The following ST6GALNAC5 variants were observed in gnomAD, a reference collection of about 807,000 sequenced individuals.
ST6GALNAC5 encodes the protein ST6 N-acetylgalactosaminide alpha-2,6-sialyltransferase 5.
Under a neutral mutation model 33.6 loss-of-function variants are expected in ST6GALNAC5, and 27 were observed. The observed-to-expected ratio is 0.80, with a 90% CI of 0.59 to 1.11. The LOEUF is 1.11. ST6GALNAC5 is among the 50% of genes least tolerant of loss of function. The pLI is 0.00. For synonymous variants in ST6GALNAC5, 194 were observed against 171.2 expected (o/e 1.13, Z -1.04); for missense variants, 428 against 454.0 (o/e 0.94, Z 0.52).
At chr1:76,904,822 CA>C (rs547849456) in intron 2 of ST6GALNAC5, among the ~76,000 whole-genome samples, 127 of 134,782 alleles carry the variant, frequency 9.4e-4, no homozygotes, top group African/African-American at 2.8e-3. Context: ...GAGACTGTCT[CA>C]AAAAAAAAAA....
intron 2 of ST6GALNAC5, among the ~76,000 whole-genome samples, chr1:76,891,886 T>C (rs1332040997): frequency 6.6e-6 from 1 of 152,192 alleles, no homozygotes; most frequent in African/African-American, 2.4e-5. Flanking sequence ...ATAAACCGCA[T>C]ATCTATGTAT....
At chr1:76,954,520 C>A (rs1048742529) in intron 2 of ST6GALNAC5, among the ~76,000 whole-genome samples, 1 of 151,912 alleles carries the variant, frequency 6.6e-6, no homozygotes, top group Non-Finnish European at 1.5e-5. Flanking sequence ...TGCACATGTA[C>A]CCCAAGCTTA....
At chr1:76,948,036 C>T (rs942509085) in intron 2 of ST6GALNAC5, among the ~76,000 whole-genome samples, 7 of 152,038 alleles carry the variant, frequency 4.6e-5, no homozygotes, top group South Asian at 2.1e-4. Flanking sequence ...CCCCAAAGAG[C>T]GAATTGTTTA....
At chr1:77,032,042 G>GT (rs1358310316) in intron 2 of ST6GALNAC5, among the ~76,000 whole-genome samples, 3 of 152,128 alleles carry the variant, frequency 2.0e-5, no homozygotes, top group Non-Finnish European at 2.9e-5. Context: ...AAGGCAGAGA[G>GT]GGTAAGCTTA....
intron 2 of ST6GALNAC5, among the ~76,000 whole-genome samples, chr1:77,039,564 T>C (rs1210355681): frequency 6.6e-6 from 1 of 152,230 alleles, no homozygotes; most frequent in East Asian, 1.9e-4. Flanking sequence ...AGCAGGTAGG[T>C]TTCTCAGAGG....
At chr1:76,926,891 T>C (rs1012363286) in intron 2 of ST6GALNAC5, among the ~76,000 whole-genome samples, 1 of 152,146 alleles carries the variant, frequency 6.6e-6, no homozygotes, top group Admixed American at 6.5e-5. Context: ...GTAAAGATGA[T>C]GGGCCATTTT....
rs751758799 is a variant in ST6GALNAC5 at position 77,044,571 on chromosome 1, T to A, written c.629T>A (p.Leu210Gln). ...KAFMITRHKMLQFDELFKQET... is the reference protein window; with the variant it reads ...KAFMITRHKMQQFDELFKQET... ...TTCATGATTACTCGCCACAAGATGC[T>A]GCAGTTTGATGAGCTCTTCAAGCAG... Residue 210 changes from leucine (L) to glutamine (Q), a missense_variant, in exon 3 of 5, where the codon CTG becomes CAG. Leu to Gln is a moderately radical substitution (Grantham distance 113, BLOSUM62 -2). Transcript: ENST00000477717. 7.0e-6 allele frequency: 11 copies of A among 1,581,910 alleles called. No individual in the cohort carries two copies. The East Asian group carries it at 2.0e-4, about 29-fold the overall frequency.
intron 2 of ST6GALNAC5, among the ~76,000 whole-genome samples, chr1:76,891,090 G>A (rs1207629652): frequency 6.6e-6 from 1 of 152,212 alleles, no homozygotes; most frequent in East Asian, 1.9e-4. Context: ...CACTTCTCTT[G>A]GGTATATACC....
At chr1:76,989,048 ATTC>A (rs1649620107) in intron 2 of ST6GALNAC5, among the ~76,000 whole-genome samples, 1 of 152,128 alleles carries the variant, frequency 6.6e-6, no homozygotes, top group African/African-American at 2.4e-5. Context: ...GGCAGCCTGA[ATTC>A]TTCTTTCTTG....
chr1:77,027,722 C>A (rs917176575), intron 2 of ST6GALNAC5, among the ~76,000 whole-genome samples: 1 of 152,176 alleles, frequency 6.6e-6, no homozygotes, highest in African/African-American at 2.4e-5. Flanking sequence ...AGTGGCAGAT[C>A]TGGGGAGACT....
At chr1:76,867,730 A>C in intron 1 of ST6GALNAC5, 40 bp downstream of exon 1, 2 of 1,613,936 alleles carry the variant, frequency 1.2e-6, no homozygotes, top group Non-Finnish European at 1.7e-6. Flanking sequence ...AAAGAGGGGG[A>C]TCCCCGGGCT....
chr1:76,868,474 T>G lies in ST6GALNAC5; in HGVS notation c.16-23T>G, dbSNP rs752098014. 2 of 1,592,938 alleles carry G rather than the reference T, an allele frequency of 1.3e-6. No individual in the cohort carries two copies. The highest frequency in any genetic ancestry group is 1.7e-6 in the Non-Finnish European group (2 of 1,166,876). On this transcript the variant is annotated intron_variant, in intron 1 of 4. Transcript: ENST00000477717. The surrounding 1 kb of genome is among the most constrained non-coding windows in gnomAD (Gnocchi z 4.3). Reference sequence around the variant, plus strand: ...GTGTCTGCGCTCAGCCGCTCTCCTCTTCTCTCTCCCGCCCGCCCGCAGCGC... The same window carrying G: ...GTGTCTGCGCTCAGCCGCTCTCCTCGTCTCTCTCCCGCCCGCCCGCAGCGC...
Position 77,050,349 on chromosome 1 carries a change from C to A in ST6GALNAC5, c.763C>A (p.Pro255Thr). Residue 255 changes from proline to threonine, a missense_variant, in exon 4 of 5, where the codon CCC becomes ACC. Coordinates refer to ENST00000477717, the MANE Select transcript of ST6GALNAC5 (RefSeq NM_030965.3). ...CAGGATCAATGTTTATGGCATGGTG[C>A]CCCCAGACTTCTGCAGGTAGGATTT... ...CDRINVYGMV[P>T]PDFCRDPNHP... is the part of the protein sequence containing the mutation. 6.2e-7 allele frequency: 1 copy of A among 1,613,724 alleles called. No individual in the cohort carries two copies. The highest frequency in any genetic ancestry group is 8.5e-7 in the Non-Finnish European group (1 of 1,179,680).
rs560802210 is a variant in ST6GALNAC5, at chr1:76,969,948, C to T, written c.262-74256C>T. Among the ~76,000 whole-genome samples, 14 of 152,094 alleles carry T rather than the reference C, an allele frequency of 9.2e-5. No homozygotes were observed. In the South Asian group the frequency reaches 1.2e-3, roughly 14 times the overall value. On this transcript the variant is annotated intron_variant, in intron 2 of 4. Transcript: ENST00000477717. ...CCACCAGCAAACTCCAACTGACCTG[C>T]GGATGACTGTTAGAAGGAAAATGAA...
intron 4 of ST6GALNAC5, among the ~76,000 whole-genome samples, chr1:77,055,713 G>T (rs1446863274): frequency 2.0e-5 from 3 of 152,158 alleles, no homozygotes; most frequent in Non-Finnish European, 4.4e-5. Flanking sequence ...TGGGCCCACT[G>T]GGCATCCCTC....
chr1:76,946,664 A>T (rs17099754), intron 2 of ST6GALNAC5, among the ~76,000 whole-genome samples: 1 of 152,136 alleles, frequency 6.6e-6, no homozygotes, highest in Non-Finnish European at 1.5e-5. Context: ...TGGTCTGTAC[A>T]TGATAAATTT....
At chr1:76,892,691 A>G (rs1654039157) in intron 2 of ST6GALNAC5, among the ~76,000 whole-genome samples, 1 of 152,264 alleles carries the variant, frequency 6.6e-6, no homozygotes, top group African/African-American at 2.4e-5. Flanking sequence ...CTTTTAATTG[A>G]TATAGAGGAA....
At chr1:76,989,415 C>CT (rs1649635771) in intron 2 of ST6GALNAC5, among the ~76,000 whole-genome samples, 1 of 151,982 alleles carries the variant, frequency 6.6e-6, no homozygotes, top group Non-Finnish European at 1.5e-5. Context: ...CAGGTGATCA[C>CT]TTTAATTTGA....
intron 2 of ST6GALNAC5, among the ~76,000 whole-genome samples, chr1:77,036,190 T>C (rs1277371421): frequency 6.6e-6 from 1 of 152,138 alleles, no homozygotes; most frequent in African/African-American, 2.4e-5. Flanking sequence ...TATTGTTCCA[T>C]TTATGCGAAA....
Sources: allele counts gnomAD v4.1 joint callset (sites outside exome capture counted in the v4.1 genomes callset), GRCh38; gene constraint gnomAD v4.1.1; non-coding constraint Gnocchi (gnomAD v3.1); transcripts MANE v1.5; gene names NCBI Gene and HGNC (gene_info 2026-07-23, HGNC 2026-07-21).